Variants in R3HDM1 observed in about 807,000 individuals in gnomAD.
R3HDM1 encodes R3H domain-containing protein 1.
R3HDM1 carries 46 observed loss-of-function variants against 141.1 expected under a neutral mutation model. That is an observed-to-expected ratio of 0.33 (90% CI 0.26 to 0.42). The LOEUF (loss-of-function observed/expected upper bound fraction) is 0.42. Among genes scored for constraint, R3HDM1 ranks in the 10% least tolerant of loss-of-function variants. The pLI is 1.00. For synonymous variants in R3HDM1, 435 were observed against 472.9 expected (o/e 0.92, Z 1.04); for missense variants, 1,184 against 1,368.3 (o/e 0.87, Z 2.12).
At chr2:135,646,870 T>G (rs1427054053) in intron 16 of R3HDM1, among the ~76,000 whole-genome samples, 5 of 132,184 alleles carry the variant, frequency 3.8e-5, no homozygotes, top group African/African-American at 1.6e-4. Flanking sequence ...AATAAATAAG[T>G]GAGTATCCCT....
At chr2:135,603,668 C>T (rs778315452) in intron 2 of R3HDM1, among the ~76,000 whole-genome samples, 7 of 152,240 alleles carry the variant, frequency 4.6e-5, no homozygotes, top group Non-Finnish European at 1.0e-4. Flanking sequence ...AGTCTAGTGG[C>T]GTGATCACAG....
intron 7 of R3HDM1, among the ~76,000 whole-genome samples, chr2:135,626,122 T>C (rs1285168349): frequency 1.3e-5 from 2 of 152,270 alleles, no homozygotes; most frequent in Middle Eastern, 3.4e-3. Context: ...TCTCCAGGTA[T>C]AGAGTGTCAG....
At chr2:135,590,323 T>C (rs1361744276) in intron 1 of R3HDM1, among the ~76,000 whole-genome samples, 2 of 151,842 alleles carry the variant, frequency 1.3e-5, no homozygotes, top group Non-Finnish European at 2.9e-5. Context: ...TTGGGGTCAC[T>C]AGAGAGAGAG....
At chr2:135,570,130 G>A (rs945684163) in intron 1 of R3HDM1, among the ~76,000 whole-genome samples, 22 of 152,174 alleles carry the variant, frequency 1.4e-4, no homozygotes, top group Admixed American at 6.5e-5. Context: ...ACTATTGATT[G>A]TAAACATCTC....
rs979097811 is a variant in R3HDM1 at position 135,584,401 on chromosome 2, G to A, written c.-249-18099G>A. ...TTGAAAGTTTTCATTACCTGACCTC[G>A]GTAGCATGTTTAAGCACAGTTCCAC... On this transcript the variant is annotated intron_variant, in intron 1 of 26. Transcript: ENST00000683871. The A allele has an allele frequency of 7.4e-6, 7 of 941,094 alleles. No homozygotes were observed. The Admixed American group carries it at 2.5e-4, about 33-fold the overall frequency. 58.3% of individuals were successfully genotyped at this position (941,094 alleles called of 1,614,324 possible).
At chr2:135,629,729 T>C (rs73956770) in intron 7 of R3HDM1, among the ~76,000 whole-genome samples, 1 of 152,092 alleles carries the variant, frequency 6.6e-6, no homozygotes, top group Non-Finnish European at 1.5e-5. Context: ...GGTCAGGAGA[T>C]GAGGCTGGAG....
At chr2:135,687,541 G>A (rs937676154) in intron 21 of R3HDM1, among the ~76,000 whole-genome samples, 1 of 151,024 alleles carries the variant, frequency 6.6e-6, no homozygotes, top group African/African-American at 2.4e-5. Flanking sequence ...ATTGTAATGA[G>A]TGAATACTTC....
At chr2:135,576,733 T>C (rs543811452) in intron 1 of R3HDM1, among the ~76,000 whole-genome samples, 1 of 152,128 alleles carries the variant, frequency 6.6e-6, no homozygotes, top group Non-Finnish European at 1.5e-5. Context: ...TTATACTAAG[T>C]GAAATAAAGC....
At position 135,576,309 on chromosome 2, in the gene R3HDM1, C is replaced by A. The variant is rs1705403841; in HGVS notation, c.-249-26191C>A. Among the ~76,000 whole-genome samples the A allele has an allele frequency of 3.3e-5, 5 of 151,752 alleles. 1 individual carries two copies. The South Asian group carries it at 1.0e-3, about 32-fold the overall frequency. ...CTTGAACCCGGGACATCCAAGACAG[C>A]AGTGTGCCATGATAGTGCCACTGCA... On this transcript the variant is annotated intron_variant, in intron 1 of 26. Coordinates refer to ENST00000683871, the MANE Select transcript of R3HDM1 (RefSeq NM_001378107.1).
At chr2:135,540,366 C>T (rs1198222147) in intron 1 of R3HDM1, among the ~76,000 whole-genome samples, 2 of 152,142 alleles carry the variant, frequency 1.3e-5, no homozygotes, top group South Asian at 2.1e-4. Context: ...TTCACAGATG[C>T]GTAGGTGGTC....
chr2:135,701,051 A>G (rs2074128410), intron 21 of R3HDM1, among the ~76,000 whole-genome samples: 1 of 152,124 alleles, frequency 6.6e-6, no homozygotes, highest in African/African-American at 2.4e-5. Context: ...AATGATAACA[A>G]TATACTGTAA....
At position 135,645,460 on chromosome 2, in the gene R3HDM1, C is replaced by T; in HGVS notation, c.1556C>T (p.Pro519Leu). Reference sequence around the variant, plus strand: ...CAACAACCAGTTAGATCCCAAGTGCCTGGACCTCCACAGCCACCTCTGCCA... The same window carrying T: ...CAACAACCAGTTAGATCCCAAGTGCTTGGACCTCCACAGCCACCTCTGCCA... ...MTQQPVRSQVPGPPQPPLPAP... is the reference protein window; with the variant it reads ...MTQQPVRSQVLGPPQPPLPAP... Residue 519 changes from proline to leucine, a missense_variant, in exon 16 of 27, where the codon CCT becomes CTT. Coordinates refer to ENST00000683871, the MANE Select transcript of R3HDM1 (RefSeq NM_001378107.1). 1.2e-6 allele frequency: 2 copies of T among 1,613,980 alleles called. No homozygotes were observed. The highest frequency in any genetic ancestry group is 1.7e-6 in the Non-Finnish European group (2 of 1,179,904).
rs576271824 is a variant in R3HDM1 at position 135,593,065 on chromosome 2, G to A, written c.-249-9435G>A. 2.8e-4 allele frequency among the ~76,000 whole-genome samples: 42 copies of A among 152,000 alleles called. No homozygotes were observed. In the East Asian group the frequency reaches 7.8e-3, roughly 28 times the overall value. On this transcript the variant is annotated intron_variant, in intron 1 of 26. Transcript: ENST00000683871. ...CTTCCAAATAGCTGGGATTACAGGC[G>A]CCTGCTACCACACCTGGCTAATTTT...
intron 24 of R3HDM1, among the ~76,000 whole-genome samples, chr2:135,719,216 C>T (rs969489096): frequency 1.3e-5 from 2 of 151,456 alleles, no homozygotes; most frequent in African/African-American, 2.4e-5. Context: ...TAAATTGAAA[C>T]AGTATGCGTC....
rs777283809 is a variant in R3HDM1, at chr2:135,724,265, C to T, written c.3378C>T (p.His1126=). ...CAAGCAAGAAGCACTATGACTTTCACATTTTGGAAAGGGCAAGTTCTCAGT... is the reference window on the plus strand; with the variant it reads ...CAAGCAAGAAGCACTATGACTTTCATATTTTGGAAAGGGCAAGTTCTCAGT... ...LRTSKKHYDF[H]ILERASSQ Residue 1126 remains histidine (H), a synonymous_variant, in exon 27 of 27, where the codon CAC becomes CAT. Transcript: ENST00000683871. 1.2e-6 allele frequency: 2 copies of T among 1,612,952 alleles called. No individual in the cohort carries two copies. The highest frequency in any genetic ancestry group is 1.7e-6 in the Non-Finnish European group (2 of 1,179,400).
chr2:135,671,095 T>C (rs2068264220), intron 19 of R3HDM1, among the ~76,000 whole-genome samples: 1 of 150,690 alleles, frequency 6.6e-6, no homozygotes, highest in Non-Finnish European at 1.5e-5. Flanking sequence ...AAAGTAAAAA[T>C]ATTCAAATAA....
chr2:135,609,891 A>T (rs1447657128), intron 3 of R3HDM1, among the ~76,000 whole-genome samples: 2 of 152,082 alleles, frequency 1.3e-5, no homozygotes, highest in East Asian at 3.9e-4. Flanking sequence ...AAAAAATAAA[A>T]AAATTAGCTG....
chr2:135,679,792 G>A (rs188582791), intron 20 of R3HDM1, among the ~76,000 whole-genome samples: 4 of 152,176 alleles, frequency 2.6e-5, no homozygotes, highest in Non-Finnish European at 2.9e-5. Context: ...AAAAGTTTAT[G>A]GTGGCTGCTG....
At chr2:135,708,920 C>T (rs1048237628) in intron 21 of R3HDM1, among the ~76,000 whole-genome samples, 1 of 142,824 alleles carries the variant, frequency 7.0e-6, no homozygotes, top group Admixed American at 7.3e-5. Context: ...GATCGTACCA[C>T]TGCTCTCCAG....
Sources: allele counts gnomAD v4.1 joint callset (sites outside exome capture counted in the v4.1 genomes callset), GRCh38; gene constraint gnomAD v4.1.1; transcripts MANE v1.5; gene names NCBI Gene and HGNC (gene_info 2026-07-23, HGNC 2026-07-21).